The following USP38 variants were observed in gnomAD, a reference collection of about 807,000 sequenced individuals.
USP38 encodes the protein ubiquitin specific peptidase 38.
Under a neutral mutation model 94.3 loss-of-function variants are expected in USP38, and 49 were observed. That is an observed-to-expected ratio of 0.52 (90% CI 0.41 to 0.66). USP38 has a LOEUF of 0.66. Among genes scored for constraint, USP38 ranks in the 30% least tolerant of loss-of-function variants. USP38 has a pLI of 0.00. For missense variants in USP38, 1,128 were observed against 1,229.4 expected, an observed-to-expected ratio of 0.92 and a Z score of 1.23; for synonymous variants, 468 against 463.6, an observed-to-expected ratio of 1.01 and a Z score of -0.12.
Position 143,213,510 on chromosome 4 carries a change from C to T in USP38, c.1605-71C>T, listed in dbSNP as rs1468337854. 2.1e-6 allele frequency: 3 copies of T among 1,396,930 alleles called. No individual in the cohort carries two copies. The African/African-American group carries it at 4.4e-5, about 20-fold the overall frequency. The allele number at this position is 1,396,930 out of a possible 1,614,324, so 86.5% of individuals were successfully genotyped here. On this transcript the variant is annotated intron_variant, in intron 8 of 9. Coordinates refer to ENST00000307017, the MANE Select transcript of USP38 (RefSeq NM_032557.6). The stretch of plus-strand genomic sequence containing the variant: ...TGATTAGAATAGTTTATAGAAGCCA[C>T]TAATATTTTTAAATAGAAATGACAT...
intron 2 of USP38, among the ~76,000 whole-genome samples, chr4:143,191,329 A>G (rs1165208454): frequency 6.6e-6 from 1 of 152,178 alleles, no homozygotes; most frequent in African/African-American, 2.4e-5. Context: ...ATACATAAGT[A>G]CCTTCTAAAA....
chr4:143,185,863 G>A lies in USP38; in HGVS notation c.413G>A (p.Arg138Lys). 1 of 1,614,208 alleles carries A rather than the reference G, an allele frequency of 6.2e-7. No homozygotes were observed. Among genetic ancestry groups the A allele is most frequent in the African/African-American group, 1.3e-5 (1 of 75,060 alleles). The change falls in exon 1 of 10, where the codon AGG becomes AAG. Residue 138 changes from arginine to lysine, a missense_variant. Transcript: ENST00000307017. ...GAGGTGTTACGGATGGTGTGTGAGA[G>A]GCCGGAGCCGCAGCTCTGTGCCCGA... ...QVEVLRMVCE[R>K]PEPQLCARLS...
At chr4:143,189,027 GA>G (rs975305660) in intron 2 of USP38, among the ~76,000 whole-genome samples, 6 of 151,650 alleles carry the variant, frequency 4.0e-5, no homozygotes, top group African/African-American at 1.2e-4. Flanking sequence ...ATACATGTTT[GA>G]AAAAAAAGCA....
In USP38 at chr4:143,222,119, A is replaced by G. The variant is rs1238601553; in HGVS notation, c.*1663A>G. ...TCTTGGCATTTATTGAAATTGGTAA[A>G]GTGATTTAATACTTGATAGATTGAT... On this transcript the variant is annotated 3_prime_UTR_variant, in exon 10 of 10. Transcript: ENST00000307017. 6.6e-6 allele frequency: 1 copy of G among 152,104 alleles called. No homozygotes were observed. Among genetic ancestry groups the G allele is most frequent in the Non-Finnish European group, 1.5e-5 (1 of 67,956 alleles). 9.4% of individuals were successfully genotyped at this position (152,104 alleles called of 1,614,324 possible).
intron 4 of USP38, among the ~76,000 whole-genome samples, chr4:143,198,412 A>G (rs934243826): frequency 1.3e-5 from 2 of 152,248 alleles, no homozygotes; most frequent in African/African-American, 4.8e-5. Flanking sequence ...TTTGATTATC[A>G]GTTACTGCAG....
In USP38 at chr4:143,223,562, T is replaced by C. The variant is rs1016883527; in HGVS notation, c.*3106T>C. ...TTTCACATACACCTCTTTAAAGCTA[T>C]CATCTTATAATAAGTGGAATTGGAT... On this transcript the variant is annotated 3_prime_UTR_variant, in exon 10 of 10. Transcript: ENST00000307017. 1.3e-5 allele frequency: 2 copies of C among 152,150 alleles called. No homozygotes were observed. The highest frequency in any genetic ancestry group is 4.8e-5 in the African/African-American group (2 of 41,446). 9.4% of individuals were successfully genotyped at this position (152,150 alleles called of 1,614,324 possible).
chr4:143,212,596 T>G (rs1732058227), intron 8 of USP38, among the ~76,000 whole-genome samples, 172 bp downstream of exon 8: 2 of 151,900 alleles, frequency 1.3e-5, no homozygotes, highest in South Asian at 4.2e-4. Context: ...ATTTTCCTTT[T>G]TGAATTTTCT....
chr4:143,216,425 A>G (rs558643250), intron 9 of USP38, among the ~76,000 whole-genome samples: 39 of 152,206 alleles, frequency 2.6e-4, no homozygotes, highest in African/African-American at 7.9e-4. Flanking sequence ...AGTAAATCAA[A>G]GTTTCATTAT....
In USP38 at chr4:143,214,878, G is replaced by A; in HGVS notation, c.2902G>A (p.Gly968Arg). Residue 968 changes from glycine (G) to arginine (R), a missense_variant, in exon 9 of 10, where the codon GGA becomes AGA. Transcript: ENST00000307017. The part of the protein sequence containing the change: ...NNPTSGLWIN[G>R]DPPLQKELMD... ...CCCAACCAGTGGACTCTGGATAAAT[G>A]GAGACCCACCTCTACAGAAAGAACT... The A allele has an allele frequency of 2.5e-6, 4 of 1,613,426 alleles. No homozygotes were observed. The highest frequency in any genetic ancestry group is 3.4e-6 in the Non-Finnish European group (4 of 1,179,646).
intron 7 of USP38, among the ~76,000 whole-genome samples, chr4:143,211,065 T>G (rs981157587): frequency 2.6e-5 from 4 of 151,980 alleles, no homozygotes; most frequent in African/African-American, 9.7e-5. Context: ...ATCACTAGTA[T>G]GTATTTATTA....
Position 143,185,360 on chromosome 4 carries a change from T to C in USP38, c.-91T>C. The stretch of plus-strand genomic sequence containing the variant: ...CGCGCTGCTGCTGCGGCGCTCCAAG[T>C]TCATCTCCGCCCCGGGGCTCTCCTG... On this transcript the variant is annotated 5_prime_UTR_variant, in exon 1 of 10. Coordinates refer to ENST00000307017, the MANE Select transcript of USP38 (RefSeq NM_032557.6). 7.1e-7 allele frequency: 1 copy of C among 1,409,130 alleles called. No individual in the cohort carries two copies. The highest frequency in any genetic ancestry group is 1.4e-5 in the African/African-American group (1 of 69,538). The allele number at this position is 1,409,130 out of a possible 1,614,324, so 87.3% of individuals were successfully genotyped here. A position where few individuals can be genotyped will look rare whatever the true frequency, so the allele number is the denominator to read the frequency against.
At chr4:143,194,568 C>A (rs186515601) in intron 2 of USP38, among the ~76,000 whole-genome samples, 179 of 152,036 alleles carry the variant, frequency 1.2e-3, no homozygotes, top group African/African-American at 4.3e-3. Flanking sequence ...AGTGCAGTGG[C>A]GTGATCTCGG....
chr4:143,214,100 GAA>G lies in USP38; in HGVS notation c.2126_2127del (p.Lys709ThrfsTer4). 1 of 1,613,350 alleles carries G rather than the reference GAA, an allele frequency of 6.2e-7. No homozygotes were observed. Among genetic ancestry groups the G allele is most frequent in the Non-Finnish European group, 8.5e-7 (1 of 1,179,732 alleles). On this transcript the variant is annotated frameshift_variant, in exon 9 of 10. Transcript: ENST00000307017. LOFTEE classifies it high-confidence loss of function. ...TTCTTGTTAATAAAGATGTACCTCA[GAA>G]ACCAGGAGGTGAAACCACACCTTCA... ...KILVNKDVPQKPGGETTPSVT... is the reference protein window; with the variant it reads ...KILVNKDVPQXPGGETTPSVT...
chr4:143,198,267 A>G (rs150311663), intron 4 of USP38, among the ~76,000 whole-genome samples: 1 of 152,314 alleles, frequency 6.6e-6, no homozygotes, highest in Non-Finnish European at 1.5e-5. Flanking sequence ...GCATGAAAAC[A>G]CACCAGTCTT....
At position 143,213,656 on chromosome 4, in the gene USP38, T is replaced by G. The variant is rs759892270; in HGVS notation, c.1680T>G (p.Thr560=). Residue 560 remains threonine (T), a synonymous_variant, in exon 9 of 10, where the codon ACT becomes ACG. Transcript: ENST00000307017. ...KPSEILECSE[T]SLQEVASKAA... ...CTGAAATTCTGGAATGCAGTGAAACTTCTTTACAGGAAGTAGCTAGTAAAG... is the reference window on the plus strand; with the variant it reads ...CTGAAATTCTGGAATGCAGTGAAACGTCTTTACAGGAAGTAGCTAGTAAAG... 2 of 1,613,474 alleles carry G rather than the reference T, an allele frequency of 1.2e-6. No homozygotes were observed. Among genetic ancestry groups the G allele is most frequent in the South Asian group, 2.2e-5 (2 of 91,042 alleles).
chr4:143,189,949 A>G (rs1731345154), intron 2 of USP38, among the ~76,000 whole-genome samples: 1 of 151,914 alleles, frequency 6.6e-6, no homozygotes, highest in African/African-American at 2.4e-5. Context: ...TCCCATTATT[A>G]TCATCACTTT....
At chr4:143,219,466 G>A (rs1732269057) in intron 9 of USP38, among the ~76,000 whole-genome samples, 1 of 151,998 alleles carries the variant, frequency 6.6e-6, no homozygotes, top group Admixed American at 6.6e-5. Context: ...CGAAATAATA[G>A]TGTTTTCGTT....
rs1348019591 is a variant in USP38, at chr4:143,213,997, ATG to A, written c.2022_2023del (p.Asn674LysfsTer9). 1 of 1,613,534 alleles carries A rather than the reference ATG, an allele frequency of 6.2e-7. No individual in the cohort carries two copies. The highest frequency in any genetic ancestry group is 8.5e-7 in the Non-Finnish European group (1 of 1,179,842). Reference sequence around the variant, plus strand: ...GCCTTCATCTGTGACTCACTTGTGAATGAAAAAACCATAGGCAGTCCTCCTAA... The same window carrying A: ...GCCTTCATCTGTGACTCACTTGTGAAAAAAAACCATAGGCAGTCCTCCTAA... On this transcript the variant is annotated frameshift_variant, in exon 9 of 10. Coordinates refer to ENST00000307017, the MANE Select transcript of USP38 (RefSeq NM_032557.6). LOFTEE classifies it high-confidence loss of function.
chr4:143,197,389 CT>C (rs1171225035), intron 3 of USP38, among the ~76,000 whole-genome samples: 2 of 152,106 alleles, frequency 1.3e-5, no homozygotes, highest in African/African-American at 2.4e-5. Context: ...CCATGTGTTA[CT>C]TTTTATTGTT....
Sources: allele counts gnomAD v4.1 joint callset (sites outside exome capture counted in the v4.1 genomes callset), GRCh38; gene constraint gnomAD v4.1.1; transcripts MANE v1.5; gene names NCBI Gene and HGNC (gene_info 2026-07-23, HGNC 2026-07-21).